Variants in ANAPC1 observed in about 807,000 individuals in gnomAD.
ANAPC1 encodes anaphase promoting complex subunit 1.
ANAPC1 carries 36 observed loss-of-function variants against 208.0 expected under a neutral mutation model. The observed-to-expected ratio is 0.17, with a 90% confidence interval of 0.13 to 0.23. ANAPC1 has a LOEUF of 0.23. Among genes scored for constraint, ANAPC1 ranks in the 10% least tolerant of loss-of-function variants. The probability of loss-of-function intolerance (pLI) is 1.00; values close to 1 mark genes in which losing one functional copy is unlikely to be tolerated. For missense variants in ANAPC1, 942 were observed against 2,011.6 expected, an observed-to-expected ratio of 0.47 and a Z score of 10.17; for synonymous variants, 378 against 695.2, an observed-to-expected ratio of 0.54 and a Z score of 7.18.
chr2:111,863,631 A>C (rs1416363612), intron 9 of ANAPC1, 44 bp downstream of exon 9: 1 of 1,572,034 alleles, frequency 6.4e-7, no homozygotes, highest in Non-Finnish European at 8.7e-7. Context: ...ATCCTTCAAA[A>C]CAAAACAGAA....
At chr2:111,821,995 T>A (rs1036219505) in intron 25 of ANAPC1, among the ~76,000 whole-genome samples, 2 of 152,144 alleles carry the variant, frequency 1.3e-5, no homozygotes, top group Non-Finnish European at 2.9e-5. Context: ...AAGGTTAAAT[T>A]CAAAAAATTC....
At chr2:111,784,200 T>C (rs559407443) in intron 41 of ANAPC1, 123 bp downstream of exon 41, 1 of 1,404,140 alleles carries the variant, frequency 7.1e-7, no homozygotes, top group East Asian at 2.3e-5. Flanking sequence ...TTCCTCCTGC[T>C]GCAGCTTTCT....
In ANAPC1 at chr2:111,829,163, G is replaced by A. The variant is rs1250886103; in HGVS notation, c.2625+2123C>T. 3.3e-5 allele frequency among the ~76,000 whole-genome samples: 5 copies of A among 152,120 alleles called. No individual in the cohort carries two copies. In the East Asian group the frequency reaches 5.8e-4, roughly 18 times the overall value. The stretch of plus-strand genomic sequence containing the variant: ...TAGGTGGCGGAGGTTGCAGTGAGCC[G>A]AGATTGTGCCACTGCACTCCAGCCT... On this transcript the variant is annotated intron_variant, in intron 21 of 47. Coordinates refer to ENST00000341068, the MANE Select transcript of ANAPC1 (RefSeq NM_022662.4).
Position 111,847,021 on chromosome 2 carries a change from C to T in ANAPC1, c.1852+117G>A, listed in dbSNP as rs1438413337. ...TCCCTAGCTCTTTAAAGCTCCTCTA[C>T]AAAGCTAAGAACTTGATCCAGTGGC... On this transcript the variant is annotated intron_variant, in intron 16 of 47. Coordinates refer to ENST00000341068, the MANE Select transcript of ANAPC1 (RefSeq NM_022662.4). 1.5e-5 allele frequency: 12 copies of T among 803,710 alleles called. No individual in the cohort carries two copies. In the Admixed American group the frequency reaches 2.9e-4, roughly 20 times the overall value. 49.8% of individuals were successfully genotyped at this position (803,710 alleles called of 1,614,324 possible).
chr2:111,780,899 GA>G (rs1558660206), intron 43 of ANAPC1: 1 of 174,246 alleles, frequency 5.7e-6, no homozygotes, highest in Non-Finnish European at 1.2e-5. Flanking sequence ...TCTGCAAGAT[GA>G]AACAGTTCTA....
Position 111,869,253 on chromosome 2 carries a change from A to ATTT in ANAPC1, c.612-1160_612-1158dup, listed in dbSNP as rs10664612. Reference sequence around the variant, plus strand: ...AGCTAAGAACTGAATCTTGTTATTTATTTTTTTTTTGACACGGAGTTTTGC... The same window carrying ATTT: ...AGCTAAGAACTGAATCTTGTTATTTATTTTTTTTTTTTTGACACGGAGTTTTGC... On this transcript the variant is annotated intron_variant, in intron 6 of 47. Coordinates refer to ENST00000341068, the MANE Select transcript of ANAPC1 (RefSeq NM_022662.4). Among the ~76,000 whole-genome samples, 990 of 150,550 alleles carry ATTT rather than the reference A, an allele frequency of 6.6e-3. 9 individuals carry two copies. Among genetic ancestry groups the ATTT allele is most frequent in the African/African-American group, 0.023 (944 of 41,004 alleles).
At chr2:111,865,093 T>C in intron 7 of ANAPC1, 142 bp from the exon 8 acceptor site, 2 of 624,144 alleles carry the variant, frequency 3.2e-6, no homozygotes, top group Non-Finnish European at 2.6e-6. Context: ...CTTAAATAAT[T>C]AACTCTGAAT....
intron 37 of ANAPC1, among the ~76,000 whole-genome samples, chr2:111,793,410 A>T (rs1160105391): frequency 6.6e-6 from 1 of 151,452 alleles, no homozygotes; most frequent in Non-Finnish European, 1.5e-5. Context: ...TTTTTTGTAG[A>T]GATGGGGTCT....
chr2:111,838,951 G>A (rs1680619780), intron 17 of ANAPC1, among the ~76,000 whole-genome samples: 1 of 152,168 alleles, frequency 6.6e-6, no homozygotes, highest in South Asian at 2.1e-4. Context: ...CAATTCTATG[G>A]CAGAGACAAG....
chr2:111,881,958 G>GT (rs1300175909), intron 1 of ANAPC1, among the ~76,000 whole-genome samples: 2 of 152,170 alleles, frequency 1.3e-5, no homozygotes, highest in African/African-American at 2.4e-5. Flanking sequence ...GCCAAAGCAG[G>GT]CGGATCACTA....
At chr2:111,784,486 C>A in intron 40 of ANAPC1, 86 bp from the exon 41 acceptor site, 1 of 1,518,886 alleles carries the variant, frequency 6.6e-7, no homozygotes, top group Non-Finnish European at 9.1e-7. Flanking sequence ...TATACCTCCC[C>A]CTATCCCCGC....
chr2:111,835,159 A>G (rs1251831929), intron 18 of ANAPC1, among the ~76,000 whole-genome samples: 1 of 152,200 alleles, frequency 6.6e-6, no homozygotes, highest in Non-Finnish European at 1.5e-5. Context: ...AGAGATTGAG[A>G]GAGAAAATTT....
chr2:111,777,660 T>C (rs1463757749), intron 45 of ANAPC1, among the ~76,000 whole-genome samples: 1 of 150,660 alleles, frequency 6.6e-6, no homozygotes, highest in Non-Finnish European at 1.5e-5. Context: ...ATACCATATA[T>C]CCATACTTTC....
In ANAPC1 at chr2:111,847,740, A is replaced by T; in HGVS notation, c.1776T>A (p.His592Gln). ...TYIHSIRDPVHNRVTLELSNG... is the reference protein window; with the variant it reads ...TYIHSIRDPVQNRVTLELSNG... ...TTATACTTACCAGGGTGACTCTGTTATGGACAGGATCTCTGATAGAATGAA... is the reference window on the plus strand; with the variant it reads ...TTATACTTACCAGGGTGACTCTGTTTTGGACAGGATCTCTGATAGAATGAA... Residue 592 changes from histidine (H) to glutamine (Q), a missense_variant, in exon 15 of 48, where the codon CAT becomes CAA. By Grantham distance (24) the His-to-Gln change is conservative. Coordinates refer to ENST00000341068, the MANE Select transcript of ANAPC1 (RefSeq NM_022662.4). 1 of 1,586,124 alleles carries T rather than the reference A, an allele frequency of 6.3e-7. No homozygotes were observed.
intron 30 of ANAPC1, among the ~76,000 whole-genome samples, 180 bp from the exon 31 acceptor site, chr2:111,804,019 TA>T (rs1678559857): frequency 6.7e-6 from 1 of 149,282 alleles, no homozygotes; most frequent in African/African-American, 2.5e-5. Context: ...ATAATTCTCA[TA>T]AAAGTTTTAA....
chr2:111,830,001 TG>T (rs1680047751), intron 21 of ANAPC1, among the ~76,000 whole-genome samples: 1 of 151,992 alleles, frequency 6.6e-6, no homozygotes, highest in South Asian at 2.1e-4. Flanking sequence ...ACCCAGAAGG[TG>T]GAGGTTGCAG....
intron 3 of ANAPC1, among the ~76,000 whole-genome samples, chr2:111,876,127 C>T (rs1418155703): frequency 6.6e-6 from 1 of 152,060 alleles, no homozygotes; most frequent in Non-Finnish European, 1.5e-5. Flanking sequence ...CAGTGGCTCA[C>T]GCCTGTAATC....
In ANAPC1 at chr2:111,880,852, G is replaced by A. The variant is rs770709374; in HGVS notation, c.-24-3C>T. On this transcript the variant is annotated splice_polypyrimidine_tract_variant and splice_region_variant and intron_variant, in intron 1 of 47. Coordinates refer to ENST00000341068, the MANE Select transcript of ANAPC1 (RefSeq NM_022662.4). ...GGTTCCAAATATCAACATTATTTCT[G>A]TATGAATTCAAACACATTCTGGTCA... The A allele has an allele frequency of 8.7e-6, 14 of 1,610,372 alleles. No homozygotes were observed. The South Asian group carries it at 9.9e-5, about 11-fold the overall frequency.
intron 3 of ANAPC1, among the ~76,000 whole-genome samples, chr2:111,877,030 G>A (rs557974226): frequency 4.6e-5 from 7 of 151,300 alleles, no homozygotes; most frequent in Non-Finnish European, 1.0e-4. Context: ...TGTACATATG[G>A]GATTTTCGGA....
Sources: allele counts gnomAD v4.1 joint callset (sites outside exome capture counted in the v4.1 genomes callset), GRCh38; gene constraint gnomAD v4.1.1; transcripts MANE v1.5; gene names NCBI Gene and HGNC (gene_info 2026-07-23, HGNC 2026-07-21).